KIAA1671: variants seen among roughly 807,000 people sequenced by gnomAD.
KIAA1671 encodes the protein KIAA1671.
In KIAA1671, 52 loss-of-function variants were observed where a neutral mutation model predicts 131.2. The ratio of observed to expected loss-of-function variants is 0.40; its 90% CI spans 0.32 to 0.50. The LOEUF (loss-of-function observed/expected upper bound fraction) is 0.50. KIAA1671 is among the 20% of genes least tolerant of loss of function. The pLI is 0.73. For synonymous variants in KIAA1671, 1,003 were observed against 961.6 expected (o/e 1.04, Z -0.80); for missense variants, 2,360 against 2,364.2 (o/e 1.00, Z 0.04).
intron 1 of KIAA1671, among the ~76,000 whole-genome samples, chr22:24,990,042 C>T (rs1267677528): frequency 6.6e-6 from 1 of 152,088 alleles, no homozygotes; most frequent in African/African-American, 2.4e-5. Flanking sequence ...TTCAGAAGCC[C>T]ATCATCATTG....
rs1872826535 is a variant in KIAA1671 at position 25,174,261 on chromosome 22, T to C, written c.4671T>C (p.Asp1557=). The change falls in exon 8 of 13, where the codon GAT becomes GAC. Residue 1557 remains aspartate, a synonymous_variant. Transcript: ENST00000358431. ...SGESLATESP[D]SSATSTRKQP... ...GCAGCTTGGCCACTGAGTCCCCAGA[T>C]AGCAGTGCCACATCGACAAGGAAAC... 1.3e-6 allele frequency: 2 copies of C among 1,551,714 alleles called. No homozygotes were observed. The highest frequency in any genetic ancestry group is 1.7e-6 in the Non-Finnish European group (2 of 1,146,998).
At position 25,061,981 on chromosome 22, in the gene KIAA1671, TCTC is replaced by T. The variant is rs1282106532; in HGVS notation, c.4530+12623_4530+12625del. The T allele has an allele frequency of 2.0e-5, 3 of 152,222 alleles. No individual in the cohort carries two copies. In the East Asian group the frequency reaches 5.8e-4, roughly 29 times the overall value. The allele number at this position is 152,222 out of a possible 1,614,324, so 9.4% of individuals were successfully genotyped here. Reference sequence around the variant, plus strand: ...TCCCTCTTCTCTTCCTCCTGTTTTTTCTCCTCCTTTTCCTCTTCTTCCTCTTCC... The same window carrying T: ...TCCCTCTTCTCTTCCTCCTGTTTTTTCTCCTTTTCCTCTTCTTCCTCTTCC... On this transcript the variant is annotated intron_variant, in intron 6 of 12. Transcript: ENST00000358431.
Position 25,196,421 on chromosome 22 carries a change from A to G in KIAA1671, c.*4020A>G, listed in dbSNP as rs931239319. ...GGGCTACAAATTATGCTGTTTTCTA[A>G]AGAATTTGAACTTTTTTTTTTTTCT... On this transcript the variant is annotated 3_prime_UTR_variant, in exon 13 of 13. Coordinates refer to ENST00000358431, the MANE Select transcript of KIAA1671 (RefSeq NM_001145206.2). 1 of 152,020 alleles carries G rather than the reference A, an allele frequency of 6.6e-6. No homozygotes were observed. The highest frequency in any genetic ancestry group is 1.5e-5 in the Non-Finnish European group (1 of 68,008). 9.4% of individuals were successfully genotyped at this position (152,020 alleles called of 1,614,324 possible). A position where few individuals can be genotyped will look rare whatever the true frequency, so the allele number is the denominator to read the frequency against.
intron 10 of KIAA1671, among the ~76,000 whole-genome samples, chr22:25,184,250 T>G (rs1443581712): frequency 6.6e-6 from 1 of 152,192 alleles, no homozygotes; most frequent in Non-Finnish European, 1.5e-5. Context: ...AGCTTTGGGC[T>G]CTCTCGCCCT....
intron 6 of KIAA1671, among the ~76,000 whole-genome samples, chr22:25,159,560 A>G (rs753689742): frequency 6.6e-5 from 10 of 152,292 alleles, no homozygotes; most frequent in Non-Finnish European, 1.0e-4. Context: ...GGAACTGAAC[A>G]GTGGACACCA....
chr22:24,983,805 T>C (rs1602043911), intron 1 of KIAA1671, among the ~76,000 whole-genome samples: 1 of 141,804 alleles, frequency 7.1e-6, no homozygotes, highest in East Asian at 2.1e-4. Context: ...TGAGACAGAG[T>C]TTCACTCTTG....
Position 25,142,021 on chromosome 22 carries a change from C to T in KIAA1671, c.4531-28799C>T, listed in dbSNP as rs1409289157. Among the ~76,000 whole-genome samples the T allele has an allele frequency of 3.9e-5, 6 of 152,126 alleles. 1 individual carries two copies. Among genetic ancestry groups the T allele is most frequent in the African/African-American group, 7.2e-5 (3 of 41,418 alleles). On this transcript the variant is annotated intron_variant, in intron 6 of 12. Transcript: ENST00000358431. ...TGAGGAGAGATGGGATGGGGTGAAT[C>T]CCTGGGAAGCACCTTATAAGCCATG... is the stretch of plus-strand genomic sequence containing the variant.
At chr22:25,152,029 C>T (rs1372837057) in intron 6 of KIAA1671, among the ~76,000 whole-genome samples, 5 of 152,172 alleles carry the variant, frequency 3.3e-5, no homozygotes, top group Admixed American at 6.5e-5. Context: ...AGCTAGTGTC[C>T]GTTCATTTTC....
intron 6 of KIAA1671, among the ~76,000 whole-genome samples, chr22:25,094,532 G>A (rs1028954523): frequency 6.6e-6 from 1 of 152,136 alleles, no homozygotes; most frequent in Non-Finnish European, 1.5e-5. Context: ...CTTGAAGAAG[G>A]AGCAGAATGG....
Position 25,162,093 on chromosome 22 carries a change from T to C in KIAA1671, c.4531-8727T>C, listed in dbSNP as rs1477545374. Among the ~76,000 whole-genome samples the C allele has an allele frequency of 4.6e-5, 7 of 152,302 alleles. No homozygotes were observed. In the East Asian group the frequency reaches 1.4e-3, roughly 29 times the overall value. ...CTCCCTGGGCCTCAGTCTCCTCCTC[T>C]GTGAAATGGGTTCCTCATGGTTCCT... is the stretch of plus-strand genomic sequence containing the variant. On this transcript the variant is annotated intron_variant, in intron 6 of 12. Coordinates refer to ENST00000358431, the MANE Select transcript of KIAA1671 (RefSeq NM_001145206.2).
intron 1 of KIAA1671, among the ~76,000 whole-genome samples, chr22:24,968,597 C>T (rs1435687449): frequency 1.3e-5 from 2 of 152,200 alleles, no homozygotes; most frequent in Non-Finnish European, 2.9e-5. Context: ...CAGGGTCACA[C>T]GGTGGACACT....
At position 25,040,234 on chromosome 22, in the gene KIAA1671, C is replaced by T; in HGVS notation, c.3104C>T (p.Pro1035Leu). Residue 1035 changes from proline to leucine, a missense_variant, in exon 5 of 13, where the codon CCC (proline) becomes CTC (leucine). This residue lies in a region of KIAA1671 where 1,161 missense variants were observed against 1,204.7 expected (regional missense o/e 0.96). Coordinates refer to ENST00000358431, the MANE Select transcript of KIAA1671 (RefSeq NM_001145206.2). ...ATFFAVTYQI[P>L]NTQKAKGVVL... ...TTTTTTGCAGTCACCTATCAGATTC[C>T]CAATACTCAAAAGGCAAAGGGTGTG... 6.4e-7 allele frequency: 1 copy of T among 1,551,678 alleles called. No homozygotes were observed. The highest frequency in any genetic ancestry group is 1.2e-5 in the South Asian group (1 of 84,054).
Position 25,039,218 on chromosome 22 carries a change from G to C in KIAA1671, c.2088G>C (p.Pro696=), listed in dbSNP as rs963733459. 1 of 1,552,090 alleles carries C rather than the reference G, an allele frequency of 6.4e-7. No individual in the cohort carries two copies. Among genetic ancestry groups the C allele is most frequent in the African/African-American group, 1.4e-5 (1 of 73,048 alleles). ...PTTLLNGELR[P]YHTPLRDKYP... ...CCCTTTTGAATGGTGAACTGAGACCGTATCACACGCCTCTCCGGGACAAAT... is the reference window on the plus strand; with the variant it reads ...CCCTTTTGAATGGTGAACTGAGACCCTATCACACGCCTCTCCGGGACAAAT... The change falls in exon 5 of 13, where the codon CCG becomes CCC. Residue 696 remains proline, a synonymous_variant. Coordinates refer to ENST00000358431, the MANE Select transcript of KIAA1671 (RefSeq NM_001145206.2).
At chr22:24,984,103 C>T (rs1313453321) in intron 1 of KIAA1671, among the ~76,000 whole-genome samples, 1 of 152,064 alleles carries the variant, frequency 6.6e-6, no homozygotes, top group East Asian at 1.9e-4. Flanking sequence ...CTCTAAATGC[C>T]TCTCAGGGGC....
At chr22:25,160,417 C>T (rs1190809617) in intron 6 of KIAA1671, among the ~76,000 whole-genome samples, 2 of 152,292 alleles carry the variant, frequency 1.3e-5, no homozygotes, top group South Asian at 2.1e-4. Context: ...TGTCTCTCTG[C>T]GCCCGTCTCC....
intron 6 of KIAA1671, among the ~76,000 whole-genome samples, chr22:25,145,894 C>T (rs923785073): frequency 1.3e-5 from 2 of 151,548 alleles, no homozygotes; most frequent in East Asian, 2.0e-4. Context: ...GAGCTATGAT[C>T]ACGCCACTGT....
chr22:25,069,215 A>G (rs1022600141), intron 6 of KIAA1671, among the ~76,000 whole-genome samples: 3 of 152,166 alleles, frequency 2.0e-5, no homozygotes, highest in African/African-American at 7.2e-5. Flanking sequence ...ACTAAACTAG[A>G]TGGTTTGGCA....
chr22:25,185,860 A>G (rs946599927), intron 11 of KIAA1671: 3 of 152,234 alleles, frequency 2.0e-5, no homozygotes, highest in African/African-American at 7.2e-5. Flanking sequence ...GAGTGTGTCT[A>G]AAGCCCTGTG....
chr22:25,195,357 T>C lies in KIAA1671; in HGVS notation c.*2956T>C, dbSNP rs1934791191. ...GACAAGGCCTCAGAAATCAGTGTTG[T>C]GGAGGATTACTCCATGCCACCGGAG... is the stretch of plus-strand genomic sequence containing the variant. On this transcript the variant is annotated 3_prime_UTR_variant, in exon 13 of 13. Coordinates refer to ENST00000358431, the MANE Select transcript of KIAA1671 (RefSeq NM_001145206.2). 6.6e-6 allele frequency: 1 copy of C among 152,180 alleles called. No individual in the cohort carries two copies. The highest frequency in any genetic ancestry group is 1.5e-5 in the Non-Finnish European group (1 of 68,044). The allele number at this position is 152,180 out of a possible 1,614,324, so 9.4% of individuals were successfully genotyped here.
Sources: gnomAD v4.1 joint callset for allele counts (sites outside exome capture counted in the v4.1 genomes callset) on GRCh38, gnomAD v4.1.1 for gene constraint, gnomAD v4.1.1 regional missense constraint, MANE v1.5 for transcripts, NCBI Gene and HGNC (gene_info 2026-07-23, HGNC 2026-07-21) for gene names.